The following MAOA variants were observed in gnomAD, a reference collection of about 807,000 sequenced individuals.
MAOA encodes amine oxidase [flavin-containing] A.
Under a neutral mutation model 42.0 loss-of-function variants are expected in MAOA, and 6 were observed. That is an observed-to-expected ratio of 0.14 (90% CI 0.08 to 0.28). MAOA has a LOEUF of 0.28. MAOA is among the 10% of genes least tolerant of loss of function. The probability of loss-of-function intolerance (pLI) is 1.00; values close to 1 mark genes in which losing one functional copy is unlikely to be tolerated. For synonymous variants in MAOA, 140 were observed against 154.0 expected (o/e 0.91, Z 0.67); for missense variants, 262 against 422.3 (o/e 0.62, Z 3.33).
At position 43,730,194 on chromosome X, in the gene MAOA, C is replaced by CAA. The variant is rs1219771036; in HGVS notation, c.646-1029_646-1028dup. On this transcript the variant is annotated intron_variant, in intron 6 of 14. Coordinates refer to ENST00000338702, the MANE Select transcript of MAOA (RefSeq NM_000240.4). ...GGGCAATAAGAGTGAAACTCCGTCTCAAAAAAAAAAAAAAAAAAAGAATCT... is the reference window on the plus strand; with the variant it reads ...GGGCAATAAGAGTGAAACTCCGTCTCAAAAAAAAAAAAAAAAAAAAAGAATCT... 2.1e-4 allele frequency among the ~76,000 whole-genome samples: 8 copies of CAA among 38,110 alleles called. 1 individual carries two copies. Among genetic ancestry groups the CAA allele is most frequent in the East Asian group, 7.9e-4 (1 of 1,268 alleles). 33.1% of individuals were successfully genotyped at this position (38,110 alleles called of 115,157 possible). A position where few individuals can be genotyped will look rare whatever the true frequency, so the allele number is the denominator to read the frequency against.
intron 1 of MAOA, among the ~76,000 whole-genome samples, chrX:43,682,281 T>C (rs1007792442): frequency 9.0e-6 from 1 of 110,856 alleles, no homozygotes; most frequent in Non-Finnish European, 1.9e-5. Flanking sequence ...TGTTCTCCAG[T>C]AAAAGGGACC....
chrX:43,686,335 A>G (rs760103148), intron 2 of MAOA, among the ~76,000 whole-genome samples: 1 of 112,393 alleles, frequency 8.9e-6, no homozygotes, highest in East Asian at 2.8e-4. Flanking sequence ...TTACTTTGCC[A>G]TGCTGTGTCA....
intron 3 of MAOA, among the ~76,000 whole-genome samples, chrX:43,701,107 A>G (rs2033621641): frequency 3.6e-5 from 4 of 112,401 alleles, no homozygotes; most frequent in African/African-American, 9.7e-5. Flanking sequence ...AGTATCCAGT[A>G]TAAGGATATA....
chrX:43,715,536 G>A (rs985965058), intron 5 of MAOA, among the ~76,000 whole-genome samples: 2 of 111,053 alleles, frequency 1.8e-5, no homozygotes, highest in Non-Finnish European at 3.8e-5. Flanking sequence ...GACAGGAAGT[G>A]TGGAAGGTGA....
chrX:43,674,429 G>A (rs1306630240), intron 1 of MAOA, among the ~76,000 whole-genome samples: 6 of 110,789 alleles, frequency 5.4e-5, no homozygotes. Flanking sequence ...TTGAATTGGA[G>A]CATTTAGTCC....
chrX:43,691,859 C>T (rs1225321602), intron 2 of MAOA, among the ~76,000 whole-genome samples: 1 of 111,333 alleles, frequency 9.0e-6, no homozygotes, highest in Admixed American at 9.6e-5. Flanking sequence ...GTTAGCAAAG[C>T]ATATCCTCCA....
intron 3 of MAOA, among the ~76,000 whole-genome samples, chrX:43,705,242 A>G (rs1392988126): frequency 1.8e-5 from 2 of 112,580 alleles, no homozygotes; most frequent in African/African-American, 6.4e-5. Flanking sequence ...TACTTGTATA[A>G]AAACAATGTG....
chrX:43,720,665 G>A (rs765323051), intron 5 of MAOA, among the ~76,000 whole-genome samples: 1 of 109,003 alleles, frequency 9.2e-6, no homozygotes, highest in East Asian at 2.9e-4. Context: ...GATGATATCT[G>A]CCTCTAATGG....
chrX:43,697,320 A>C (rs1211508458), intron 3 of MAOA, among the ~76,000 whole-genome samples: 1 of 111,636 alleles, frequency 9.0e-6, no homozygotes, highest in Non-Finnish European at 1.9e-5. Context: ...TCCTGTGTCC[A>C]TCATTGTGTC....
chrX:43,693,395 G>A lies in MAOA; in HGVS notation c.273G>A (p.Val91=), dbSNP rs781408673. 1 of 1,210,947 alleles carries A rather than the reference G, an allele frequency of 8.3e-7. No individual in the cohort carries two copies. The highest frequency in any genetic ancestry group is 1.8e-5 in the South Asian group (1 of 56,975). The part of the protein sequence containing the change: ...SKELGIETYK[V]NVSERLVQYV... ...AGCTGGGCATAGAGACTTACAAAGT[G>A]AATGTCAGTGAGCGTCTCGTTCAAT... Residue 91 remains valine, a synonymous_variant, in exon 3 of 15, where the codon GTG becomes GTA. Transcript: ENST00000338702.
At chrX:43,714,834 A>G (rs1292029809) in intron 5 of MAOA, among the ~76,000 whole-genome samples, 1 of 108,099 alleles carries the variant, frequency 9.3e-6, no homozygotes, top group African/African-American at 3.4e-5. Context: ...TTTTCCAGCT[A>G]TTTCTCTCTC....
intron 5 of MAOA, among the ~76,000 whole-genome samples, chrX:43,723,294 C>T (rs190774663): frequency 0.01 from 1,139 of 111,477 alleles, 21 homozygotes; most frequent in African/African-American, 0.036. Flanking sequence ...TGGCCATTTT[C>T]GTGATATTGA....
chrX:43,709,322 G>A (rs766959970), intron 3 of MAOA, among the ~76,000 whole-genome samples: 126 of 111,864 alleles, frequency 1.1e-3, no homozygotes, highest in African/African-American at 3.5e-3. Flanking sequence ...GCATCTTTCT[G>A]TGAAGAACTT....
At chrX:43,744,253 C>T (rs752698225) in intron 14 of MAOA, 82 bp downstream of exon 14, 12 of 1,121,394 alleles carry the variant, frequency 1.1e-5, no homozygotes, top group African/African-American at 3.6e-5. Flanking sequence ...TTCTAGCCTC[C>T]GATTTAATTA....
At chrX:43,737,615 T>G (rs1483738009) in intron 10 of MAOA, among the ~76,000 whole-genome samples, 3 of 111,395 alleles carry the variant, frequency 2.7e-5, no homozygotes, top group Non-Finnish European at 3.8e-5. Flanking sequence ...AGAAAGGGCC[T>G]AGCTAGTTCC....
chrX:43,715,774 G>T (rs906313056), intron 5 of MAOA, among the ~76,000 whole-genome samples: 1 of 110,905 alleles, frequency 9.0e-6, no homozygotes, highest in Non-Finnish European at 1.9e-5. Flanking sequence ...AAGGCCAAGG[G>T]GGGAGACAGG....
chrX:43,667,637 T>A (rs2033294045), intron 1 of MAOA, among the ~76,000 whole-genome samples: 1 of 111,559 alleles, frequency 9.0e-6, no homozygotes, highest in Non-Finnish European at 1.9e-5. Flanking sequence ...TTAATGTTTG[T>A]GTGTACTAGT....
At chrX:43,725,284 C>T (rs2033822825) in intron 5 of MAOA, among the ~76,000 whole-genome samples, 1 of 111,076 alleles carries the variant, frequency 9.0e-6, no homozygotes, top group South Asian at 3.8e-4. Flanking sequence ...AGTCTCCCAC[C>T]GTTATTGTGT....
intron 6 of MAOA, among the ~76,000 whole-genome samples, chrX:43,730,291 T>G (rs2033870800): frequency 9.1e-6 from 1 of 109,723 alleles, no homozygotes; most frequent in South Asian, 3.9e-4. Context: ...CTTCTTAGAT[T>G]AAGCTGGAAA....
Sources: allele counts gnomAD v4.1 joint callset (sites outside exome capture counted in the v4.1 genomes callset), GRCh38; gene constraint gnomAD v4.1.1; transcripts MANE v1.5; gene names NCBI Gene and HGNC (gene_info 2026-07-23, HGNC 2026-07-21).